DENND5B: variants seen among roughly 807,000 people sequenced by gnomAD.
DENND5B encodes DENN domain-containing protein 5B.
A neutral mutation model predicts 140.6 loss-of-function variants in DENND5B; 34 were observed. That is an observed-to-expected ratio of 0.24 (90% CI 0.18 to 0.32). The LOEUF (loss-of-function observed/expected upper bound fraction) is 0.32, where lower values mean the gene tolerates loss of function less well. DENND5B is among the 10% of genes least tolerant of loss of function. The pLI is 1.00. For missense variants in DENND5B, 1,142 were observed against 1,560.2 expected, an observed-to-expected ratio of 0.73 and a Z score of 4.52; for synonymous variants, 551 against 562.1, an observed-to-expected ratio of 0.98 and a Z score of 0.28.
In DENND5B at chr12:31,407,123, A is replaced by T. The variant is rs186111446; in HGVS notation, c.2803+2140T>A. ...CCTCTTCGATTTAATTAAATTAATT[A>T]ATTAATTTATTTATTTATTTATTTT... is the stretch of plus-strand genomic sequence containing the variant. On this transcript the variant is annotated intron_variant, in intron 14 of 20. Coordinates refer to ENST00000389082, the MANE Select transcript of DENND5B (RefSeq NM_144973.4). Among the ~76,000 whole-genome samples the T allele has an allele frequency of 6.3e-3, 940 of 149,508 alleles. 2 individuals carry two copies. Among genetic ancestry groups the T allele is most frequent in the African/African-American group, 0.019 (788 of 40,528 alleles).
intron 1 of DENND5B, among the ~76,000 whole-genome samples, chr12:31,519,804 C>T (rs183056508): frequency 6.6e-6 from 1 of 152,302 alleles, no homozygotes. Context: ...AGCTATATTG[C>T]ACATACCCTT....
intron 1 of DENND5B, among the ~76,000 whole-genome samples, chr12:31,574,943 AC>A (rs1253854764): frequency 6.6e-6 from 1 of 152,220 alleles, no homozygotes; most frequent in East Asian, 1.9e-4. Context: ...TCACATAGTC[AC>A]CTCAAGGGTA....
intron 1 of DENND5B, among the ~76,000 whole-genome samples, chr12:31,514,924 C>G (rs1309325497): frequency 6.6e-6 from 1 of 152,096 alleles, no homozygotes; most frequent in Non-Finnish European, 1.5e-5. Flanking sequence ...TTTGGACCAG[C>G]CTGGGCAACA....
intron 1 of DENND5B, among the ~76,000 whole-genome samples, chr12:31,527,188 G>A (rs1485604516): frequency 6.6e-6 from 1 of 152,178 alleles, no homozygotes; most frequent in Non-Finnish European, 1.5e-5. Context: ...ATAGTCATCT[G>A]GAAAGGACTC....
chr12:31,511,419 C>T lies in DENND5B; in HGVS notation c.128-15500G>A, dbSNP rs184990592. On this transcript the variant is annotated intron_variant, in intron 1 of 20. Coordinates refer to ENST00000389082, the MANE Select transcript of DENND5B (RefSeq NM_144973.4). ...TAAATGAACCACTATCGTACAAACA[C>T]TGTACTAAACAAATATTAATTGATG... Among the ~76,000 whole-genome samples, 144 of 152,118 alleles carry T rather than the reference C, an allele frequency of 9.5e-4. 2 individuals are homozygous for T. In the East Asian group the frequency reaches 0.025, roughly 26 times the overall value.
chr12:31,475,008 T>A (rs1945728521), intron 3 of DENND5B, among the ~76,000 whole-genome samples: 2 of 152,142 alleles, frequency 1.3e-5, no homozygotes, highest in Non-Finnish European at 2.9e-5. Flanking sequence ...GTTAAGCATC[T>A]GAAAAAAGAC....
At position 31,384,298 on chromosome 12, in the gene DENND5B, C is replaced by G. The variant is rs1940755027; in HGVS notation, c.*3305G>C. ...TTGGCTTCCCAAGCAGCTGGGACTA[C>G]AGGTGTGTACTGCCATGCCCAACAT... On this transcript the variant is annotated 3_prime_UTR_variant, in exon 21 of 21. Transcript: ENST00000389082. 1 of 152,192 alleles carries G rather than the reference C, an allele frequency of 6.6e-6. No homozygotes were observed. The highest frequency in any genetic ancestry group is 1.9e-4 in the East Asian group (1 of 5,198). The allele number at this position is 152,192 out of a possible 1,614,324, so 9.4% of individuals were successfully genotyped here. A position where few individuals can be genotyped will look rare whatever the true frequency, so the allele number is the denominator to read the frequency against.
intron 2 of DENND5B, among the ~76,000 whole-genome samples, chr12:31,487,267 T>A (rs905524388): frequency 2.0e-5 from 3 of 152,012 alleles, no homozygotes; most frequent in African/African-American, 7.2e-5. Context: ...TGGTAGGGGG[T>A]AAAAGCCACT....
In DENND5B at chr12:31,460,251, C is replaced by T; in HGVS notation, c.1035G>A (p.Leu345=). 6.2e-7 allele frequency: 1 copy of T among 1,613,786 alleles called. No homozygotes were observed. Among genetic ancestry groups the T allele is most frequent in the African/African-American group, 1.3e-5 (1 of 75,014 alleles). ...TTCCTTCTTTTGACTGAAGGCCCAT[C>T]AGATAAGGGACAGGAGCATCAAGAA... ...LHFLDAPVPY[L]MGLQSKEGTD... Residue 345 remains leucine, a synonymous_variant, in exon 4 of 21, where the codon CTG becomes CTA. Transcript: ENST00000389082.
At chr12:31,438,262 T>G (rs1943867079) in intron 7 of DENND5B, among the ~76,000 whole-genome samples, 1 of 152,224 alleles carries the variant, frequency 6.6e-6, no homozygotes, top group African/African-American at 2.4e-5. Flanking sequence ...CATGAGGCAC[T>G]GCGCCTGGCC....
intron 1 of DENND5B, among the ~76,000 whole-genome samples, chr12:31,589,570 T>C (rs1950526404): frequency 6.6e-6 from 1 of 152,166 alleles, no homozygotes; most frequent in South Asian, 2.1e-4. Context: ...CTATTGTTTA[T>C]TATTTAATAT....
chr12:31,502,044 C>T (rs1231616071), intron 1 of DENND5B, among the ~76,000 whole-genome samples: 1 of 152,070 alleles, frequency 6.6e-6, no homozygotes, highest in Non-Finnish European at 1.5e-5. Context: ...TTGCCGGGCG[C>T]AGTGGCTCAC....
At chr12:31,504,411 C>G (rs1195700663) in intron 1 of DENND5B, among the ~76,000 whole-genome samples, 1 of 152,188 alleles carries the variant, frequency 6.6e-6, no homozygotes, top group Non-Finnish European at 1.5e-5. Flanking sequence ...ATCTGGCCTT[C>G]TGGTTGCTTC....
At chr12:31,503,246 A>G (rs1234664049) in intron 1 of DENND5B, among the ~76,000 whole-genome samples, 1 of 152,182 alleles carries the variant, frequency 6.6e-6, no homozygotes, top group Non-Finnish European at 1.5e-5. Context: ...CCGTTAGGAA[A>G]AGCAAGCATG....
chr12:31,511,142 G>A (rs1406883098), intron 1 of DENND5B, among the ~76,000 whole-genome samples: 1 of 152,162 alleles, frequency 6.6e-6, no homozygotes, highest in East Asian at 1.9e-4. Context: ...AGGAGGCTGA[G>A]GCAGGAGGAT....
At chr12:31,408,243 G>A (rs7303818) in intron 14 of DENND5B, among the ~76,000 whole-genome samples, 23,375 of 152,012 alleles carry the variant, frequency 0.15, 2,070 homozygotes, top group East Asian at 0.25. Flanking sequence ...AGGTTGCAGT[G>A]AGCTGAGATT....
rs1565621591 is a variant in DENND5B at position 31,479,937 on chromosome 12, G to A, written c.556C>T (p.Leu186=). The A allele has an allele frequency of 6.2e-7, 1 of 1,614,002 alleles. No individual in the cohort carries two copies. The highest frequency in any genetic ancestry group is 8.5e-7 in the Non-Finnish European group (1 of 1,179,870). Residue 186 remains leucine (L), a synonymous_variant, in exon 3 of 21, where the codon CTG becomes TTG. Coordinates refer to ENST00000389082, the MANE Select transcript of DENND5B (RefSeq NM_144973.4). ...YNSYDISRDT[L]YVSKSICLIT... is the part of the protein sequence containing the mutation. Reference sequence around the variant, plus strand: ...AAGCATATACTTTTTGAAACATACAGGGTGTCTCTGCTAATATCATAGGAG... The same window carrying A: ...AAGCATATACTTTTTGAAACATACAAGGTGTCTCTGCTAATATCATAGGAG...
rs973509 is a variant in DENND5B at position 31,469,152 on chromosome 12, T to C, written c.905-8771A>G. Among the ~76,000 whole-genome samples, 1,326 of 151,866 alleles carry C rather than the reference T, an allele frequency of 8.7e-3. 19 individuals are homozygous for C. Among genetic ancestry groups the C allele is most frequent in the African/African-American group, 0.031 (1,275 of 41,422 alleles). On this transcript the variant is annotated intron_variant, in intron 3 of 20. Coordinates refer to ENST00000389082, the MANE Select transcript of DENND5B (RefSeq NM_144973.4). ...GAGTTCAAGACCAGCCTGGCCAACG[T>C]GGTGTAACTTGTCTCTACTAAAAAT...
chr12:31,576,066 G>A (rs752915477), intron 1 of DENND5B, among the ~76,000 whole-genome samples: 48 of 151,368 alleles, frequency 3.2e-4, no homozygotes, highest in Non-Finnish European at 5.9e-4. Context: ...GCTTGAGCCA[G>A]GGAGGTTGAG....
Sources: allele counts gnomAD v4.1 joint callset (sites outside exome capture counted in the v4.1 genomes callset), GRCh38; gene constraint gnomAD v4.1.1; transcripts MANE v1.5; gene names NCBI Gene and HGNC (gene_info 2026-07-23, HGNC 2026-07-21).